CSMD1: variants seen among roughly 807,000 people sequenced by gnomAD.
CSMD1 encodes CUB and Sushi multiple domains 1.
CSMD1 carries 213 observed loss-of-function variants against 417.5 expected under a neutral mutation model. The observed-to-expected ratio is 0.51, with a 90% CI of 0.46 to 0.57. The LOEUF (loss-of-function observed/expected upper bound fraction) is 0.57. Among genes scored for constraint, CSMD1 ranks in the 20% least tolerant of loss-of-function variants. The pLI is 0.00. For missense variants in CSMD1, 6,923 were observed against 4,529.7 expected (o/e 1.53, Z -15.17); for synonymous variants, 2,862 against 1,736.8 (o/e 1.65, Z -16.11).
chr8:4,080,843 G>C (rs1013230220), intron 3 of CSMD1, among the ~76,000 whole-genome samples: 1 of 152,112 alleles, frequency 6.6e-6, no homozygotes, highest in Non-Finnish European at 1.5e-5. Context: ...GTATTGCTAT[G>C]GATTTCATGT....
chr8:3,133,309 G>A (rs974303569), intron 41 of CSMD1, among the ~76,000 whole-genome samples: 2 of 152,152 alleles, frequency 1.3e-5, no homozygotes, highest in Non-Finnish European at 2.9e-5. Context: ...CTCTCAACAG[G>A]AGGCTACTTT....
chr8:3,671,910 G>A (rs1013037485), intron 7 of CSMD1, among the ~76,000 whole-genome samples: 8 of 152,146 alleles, frequency 5.3e-5, no homozygotes, highest in Middle Eastern at 3.4e-3. Flanking sequence ...CCTCTGTCCT[G>A]TGTCGTTAGC....
intron 1 of CSMD1, among the ~76,000 whole-genome samples, chr8:4,782,049 A>T (rs373811853): frequency 6.6e-6 from 1 of 152,194 alleles, no homozygotes; most frequent in South Asian, 2.1e-4. Flanking sequence ...AGCCCACTAA[A>T]CACCAATTAT....
intron 5 of CSMD1, among the ~76,000 whole-genome samples, chr8:3,755,280 C>T (rs1301652914): frequency 6.6e-6 from 1 of 152,120 alleles, no homozygotes; most frequent in Non-Finnish European, 1.5e-5. Flanking sequence ...GTTTATGAAC[C>T]TCTGTTACCC....
At chr8:3,854,745 G>T (rs1443451571) in intron 5 of CSMD1, among the ~76,000 whole-genome samples, 1 of 124,918 alleles carries the variant, frequency 8.0e-6, no homozygotes, top group African/African-American at 3.5e-5. Flanking sequence ...TCCAGAGGGG[G>T]TAAAAAAGAA....
intron 4 of CSMD1, among the ~76,000 whole-genome samples, chr8:4,008,592 CTTTTTTTCTTTTTTTTT>C (rs1816309957): frequency 1.2e-5 from 1 of 86,590 alleles, no homozygotes; most frequent in Non-Finnish European, 2.5e-5. Flanking sequence ...TATTTTCTTT[CTTTTTTTCTTTTTTTTT>C]TTTTTTTTTT....
chr8:3,073,557 A>C (rs2128999641), intron 49 of CSMD1, among the ~76,000 whole-genome samples: 1 of 152,304 alleles, frequency 6.6e-6, no homozygotes, highest in South Asian at 2.1e-4. Flanking sequence ...GAAATCATTC[A>C]AACTTTAGAA....
intron 12 of CSMD1, among the ~76,000 whole-genome samples, chr8:3,420,915 TG>T (rs1813447829): frequency 6.6e-6 from 1 of 152,158 alleles, no homozygotes; most frequent in Middle Eastern, 3.2e-3. Flanking sequence ...CTGTTTCTCT[TG>T]GTCCAGTTAT....
intron 2 of CSMD1, among the ~76,000 whole-genome samples, chr8:4,590,879 A>G (rs907927082): frequency 2.0e-5 from 3 of 152,244 alleles, no homozygotes; most frequent in Non-Finnish European, 4.4e-5. Context: ...TTTACTTGGC[A>G]GAACTCATCG....
chr8:3,996,699 A>C (rs1047983888), intron 5 of CSMD1, among the ~76,000 whole-genome samples: 4 of 152,226 alleles, frequency 2.6e-5, no homozygotes, highest in Non-Finnish European at 5.9e-5. Flanking sequence ...TCAGCATGAA[A>C]AAAATTGAAA....
chr8:3,369,089 C>T (rs564946169), intron 19 of CSMD1, among the ~76,000 whole-genome samples, 165 bp downstream of exon 19: 87 of 152,296 alleles, frequency 5.7e-4, no homozygotes, highest in African/African-American at 2.0e-3. Context: ...AGTTGAAAGA[C>T]TATTGTTCTT....
intron 3 of CSMD1, among the ~76,000 whole-genome samples, chr8:4,201,634 C>G (rs564243804): frequency 2.7e-5 from 4 of 149,950 alleles, no homozygotes; most frequent in Admixed American, 2.0e-4. Flanking sequence ...TACAAATAAG[C>G]CTTTATTTAC....
chr8:4,092,983 T>C (rs1025317712), intron 3 of CSMD1, among the ~76,000 whole-genome samples: 12 of 152,184 alleles, frequency 7.9e-5, no homozygotes, highest in African/African-American at 2.7e-4. Context: ...ATCTTATACA[T>C]AGTGGGGGTC....
rs190422426 is a variant in CSMD1 at position 4,684,349 on chromosome 8, T to C, written c.86-46791A>G. ...GTCCAACAACATATAACCTACCTTC[T>C]TGATTCTCAAAATGAACTCTATGAA... On this transcript the variant is annotated intron_variant, in intron 1 of 69. Coordinates refer to ENST00000635120, the MANE Select transcript of CSMD1 (RefSeq NM_033225.6). 1.2e-3 allele frequency among the ~76,000 whole-genome samples: 176 copies of C among 152,356 alleles called. 1 individual carries two copies. The highest frequency in any genetic ancestry group is 3.4e-3 in the Middle Eastern group (1 of 294).
intron 1 of CSMD1, among the ~76,000 whole-genome samples, chr8:4,754,372 A>G (rs1811534826): frequency 6.6e-6 from 1 of 152,168 alleles, no homozygotes; most frequent in Admixed American, 6.5e-5. Context: ...TCCCACCCAC[A>G]TCAGGTATTA....
At chr8:4,762,316 T>C (rs1001070494) in intron 1 of CSMD1, among the ~76,000 whole-genome samples, 1 of 152,142 alleles carries the variant, frequency 6.6e-6, no homozygotes, top group Admixed American at 6.6e-5. Flanking sequence ...TGTTTACTGG[T>C]ATAACATTTA....
intron 5 of CSMD1, among the ~76,000 whole-genome samples, chr8:3,764,727 C>A (rs888529040): frequency 1.4e-5 from 2 of 143,306 alleles, no homozygotes; most frequent in African/African-American, 5.1e-5. Flanking sequence ...ACAGCACTGC[C>A]CTTTTCTCTT....
chr8:3,950,783 G>C (rs1447228730), intron 5 of CSMD1, among the ~76,000 whole-genome samples: 1 of 152,124 alleles, frequency 6.6e-6, no homozygotes, highest in Middle Eastern at 3.4e-3. Flanking sequence ...ACAGTACATG[G>C]TATAAACATA....
chr8:3,844,820 T>C lies in CSMD1; in HGVS notation c.819-90778A>G, dbSNP rs142368902. Among the ~76,000 whole-genome samples, 669 of 152,250 alleles carry C rather than the reference T, an allele frequency of 4.4e-3. 3 individuals are homozygous for C. Among genetic ancestry groups the C allele is most frequent in the South Asian group, 0.03 (145 of 4,824 alleles). The stretch of plus-strand genomic sequence containing the variant: ...TTCATAGAAGAATCAGAACAGATTT[T>C]GTTTTTGTTTTTGTCTTTTGAAGGG... On this transcript the variant is annotated intron_variant, in intron 5 of 69. Coordinates refer to ENST00000635120, the MANE Select transcript of CSMD1 (RefSeq NM_033225.6).
Sources: gnomAD v4.1 joint callset for allele counts (sites outside exome capture counted in the v4.1 genomes callset) on GRCh38, gnomAD v4.1.1 for gene constraint, MANE v1.5 for transcripts, NCBI Gene and HGNC (gene_info 2026-07-23, HGNC 2026-07-21) for gene names.